The following UNC5A variants were observed in gnomAD, a reference collection of about 807,000 sequenced individuals.
UNC5A encodes unc-5 netrin receptor A.
In UNC5A, 20 loss-of-function variants were observed where a neutral mutation model predicts 87.4. The observed-to-expected ratio is 0.23, with a 90% CI of 0.16 to 0.33. UNC5A has a LOEUF of 0.33. UNC5A is among the 10% of genes least tolerant of loss of function. The pLI, the probability that UNC5A is intolerant of heterozygous loss-of-function variation, is 1.00. For missense variants in UNC5A, 844 were observed against 1,133.4 expected, an observed-to-expected ratio of 0.74 and a Z score of 3.67; for synonymous variants, 438 against 482.3, an observed-to-expected ratio of 0.91 and a Z score of 1.20.
In UNC5A at chr5:176,878,228, A is replaced by T. The variant is rs867831022; in HGVS notation, c.1870-16A>T. The T allele has an allele frequency of 2.2e-5, 36 of 1,608,982 alleles. No homozygotes were observed. The Middle Eastern group carries it at 8.2e-4, about 37-fold the overall frequency. ...CAGTGGGGAGGGGCCTGGGCTGACC[A>T]CCTGGGGCACTGCAGGAGGTGGTGC... On this transcript the variant is annotated splice_polypyrimidine_tract_variant and intron_variant, in intron 11 of 14. Coordinates refer to ENST00000329542, the MANE Select transcript of UNC5A (RefSeq NM_133369.3).
chr5:176,847,870 C>T (rs1757452213), intron 1 of UNC5A, among the ~76,000 whole-genome samples: 2 of 151,030 alleles, frequency 1.3e-5, no homozygotes, highest in African/African-American at 2.4e-5. Context: ...CCGCCAAAAC[C>T]AGAGAAATGG....
intron 1 of UNC5A, among the ~76,000 whole-genome samples, chr5:176,851,832 T>C (rs971019926): frequency 6.6e-6 from 1 of 152,302 alleles, no homozygotes; most frequent in African/African-American, 2.4e-5. Flanking sequence ...CTCGGCCTTA[T>C]GGTGCGTGTG....
chr5:176,835,274 G>T (rs796534322), intron 1 of UNC5A, among the ~76,000 whole-genome samples: 3 of 152,232 alleles, frequency 2.0e-5, no homozygotes, highest in Non-Finnish European at 4.4e-5. Flanking sequence ...CTTCCTGCAG[G>T]CTCGGAAAGC....
intron 1 of UNC5A, among the ~76,000 whole-genome samples, chr5:176,842,034 A>G (rs1024318887): frequency 6.6e-6 from 1 of 152,164 alleles, no homozygotes; most frequent in Admixed American, 6.5e-5. Context: ...CGTTTCTACT[A>G]AAAATACAAA....
chr5:176,860,267 A>G (rs759749493), intron 1 of UNC5A, among the ~76,000 whole-genome samples: 2 of 152,148 alleles, frequency 1.3e-5, no homozygotes, highest in Non-Finnish European at 2.9e-5. Context: ...TCTGGCATCC[A>G]TCTTGGCCTG....
Position 176,857,797 on chromosome 5 carries a change from C to T in UNC5A, c.71-4827C>T, listed in dbSNP as rs528043519. ...CTGTAGTTCCTGGTGACCAAGCGCC[C>T]GTCAGGAATCTGCTAGTCAGTGAAT... On this transcript the variant is annotated intron_variant, in intron 1 of 14. Coordinates refer to ENST00000329542, the MANE Select transcript of UNC5A (RefSeq NM_133369.3). Among the ~76,000 whole-genome samples, 90 of 152,278 alleles carry T rather than the reference C, an allele frequency of 5.9e-4. 1 individual carries two copies. The highest frequency in any genetic ancestry group is 2.1e-3 in the African/African-American group (86 of 41,550).
intron 1 of UNC5A, among the ~76,000 whole-genome samples, chr5:176,814,418 C>T (rs565771227): frequency 1.3e-5 from 2 of 152,314 alleles, no homozygotes; most frequent in African/African-American, 4.8e-5. Flanking sequence ...GACTGTAGCT[C>T]CTTTGCCTTG....
At chr5:176,829,297 GATGGGTGGATGGATGA>G (rs1370934841) in intron 1 of UNC5A, among the ~76,000 whole-genome samples, 1 of 39,662 alleles carries the variant, frequency 2.5e-5, no homozygotes, top group Non-Finnish European at 1.4e-4. Context: ...AAAGTGGGTG[GATGGGTGGATGGATGA>G]ATGGATGTAT....
chr5:176,880,156 CTGTG>C lies in UNC5A; in HGVS notation c.*278_*281del, dbSNP rs1341550289. 2.1e-5 allele frequency: 10 copies of C among 480,554 alleles called. No individual in the cohort carries two copies. The East Asian group carries it at 3.8e-4, about 18-fold the overall frequency. 29.8% of individuals were successfully genotyped at this position (480,554 alleles called of 1,614,324 possible). ...GGAGCCTGGGCCAGGCCCAGCCCAT[CTGTG>C]TGTGTGTATGTGCGTGTGATGCTAC... On this transcript the variant is annotated 3_prime_UTR_variant, in exon 15 of 15. Coordinates refer to ENST00000329542, the MANE Select transcript of UNC5A (RefSeq NM_133369.3).
chr5:176,841,600 A>G lies in UNC5A; in HGVS notation c.71-21024A>G, dbSNP rs1261144247. ...GAAATGAGAAGTTCTCTACAAATGT[A>G]CATAGCACAAACCACAAAGATAAAA... On this transcript the variant is annotated intron_variant, in intron 1 of 14. Coordinates refer to ENST00000329542, the MANE Select transcript of UNC5A (RefSeq NM_133369.3). This position sits in a 1 kb window ranked among gnomAD's most constrained non-coding sequence, Gnocchi z 4.1. 6.6e-6 allele frequency among the ~76,000 whole-genome samples: 1 copy of G among 152,244 alleles called. No individual in the cohort carries two copies. Among genetic ancestry groups the G allele is most frequent in the Non-Finnish European group, 1.5e-5 (1 of 68,040 alleles).
chr5:176,830,294 G>A (rs1581248507), intron 1 of UNC5A, among the ~76,000 whole-genome samples: 1 of 152,230 alleles, frequency 6.6e-6, no homozygotes, highest in Non-Finnish European at 1.5e-5. Context: ...AGCTCACAGT[G>A]CGCTAAAGCC....
intron 1 of UNC5A, among the ~76,000 whole-genome samples, chr5:176,819,559 G>A (rs114851941): frequency 1.3e-3 from 202 of 152,206 alleles, no homozygotes; most frequent in African/African-American, 4.6e-3. Context: ...TGGCTGCCAG[G>A]AGCTTCCGGG....
In UNC5A at chr5:176,868,834, T is replaced by C; in HGVS notation, c.591T>C (p.Asn197=). 2 of 1,612,288 alleles carry C rather than the reference T, an allele frequency of 1.2e-6. No homozygotes were observed. Among genetic ancestry groups the C allele is most frequent in the Non-Finnish European group, 1.7e-6 (2 of 1,179,398 alleles). ...EDLVDPSLDP[N]VYITREHSLV... is the part of the protein sequence containing the mutation. ...TGGTGGACCCGTCCCTGGACCCCAA[T>C]GTATACATCACGCGGGAGCACAGCC... Residue 197 remains asparagine, a synonymous_variant, in exon 5 of 15, where the codon AAT becomes AAC. Coordinates refer to ENST00000329542, the MANE Select transcript of UNC5A (RefSeq NM_133369.3).
In UNC5A at chr5:176,874,341, C is replaced by A; in HGVS notation, c.1153C>A (p.Gln385Lys). 1 of 1,613,388 alleles carries A rather than the reference C, an allele frequency of 6.2e-7. No individual in the cohort carries two copies. Among genetic ancestry groups the A allele is most frequent in the Non-Finnish European group, 8.5e-7 (1 of 1,179,736 alleles). Residue 385 changes from glutamine to lysine, a missense_variant, in exon 8 of 15, where the codon CAG (glutamine) becomes AAG (lysine). Around this residue, in one of 3 missense-constraint regions of UNC5A, gnomAD observed 353 missense variants for 387.5 expected, o/e 0.91. Coordinates refer to ENST00000329542, the MANE Select transcript of UNC5A (RefSeq NM_133369.3). The surrounding 1 kb of genome is among the most constrained non-coding windows in gnomAD (Gnocchi z 7.6). The stretch of plus-strand genomic sequence containing the variant: ...CTACCAGGGCAGTCTCTGTCCCCGG[C>A]AGGATGGGCCCAGCCCCAAGTTCCA... ...TTYQGSLCPR[Q>K]DGPSPKFQLT...
At chr5:176,831,080 A>AC (rs1757011064) in intron 1 of UNC5A, among the ~76,000 whole-genome samples, 1 of 148,302 alleles carries the variant, frequency 6.7e-6, no homozygotes. Context: ...CTGTTGCCCC[A>AC]CCCCCCACCT....
chr5:176,834,664 C>G (rs891181340), intron 1 of UNC5A, among the ~76,000 whole-genome samples: 2 of 41,950 alleles, frequency 4.8e-5, no homozygotes, highest in African/African-American at 7.1e-5. Context: ...CACGTCCCGT[C>G]TTCTCTCTCT....
intron 1 of UNC5A, among the ~76,000 whole-genome samples, chr5:176,857,681 G>A (rs1757701283): frequency 6.6e-6 from 1 of 152,196 alleles, no homozygotes; most frequent in South Asian, 2.1e-4. Flanking sequence ...CCTGAGAGAG[G>A]CAGGGCCAGC....
At chr5:176,816,246 C>T (rs368962595) in intron 1 of UNC5A, among the ~76,000 whole-genome samples, 8 of 152,254 alleles carry the variant, frequency 5.3e-5, no homozygotes, top group African/African-American at 1.9e-4. Context: ...CTGCCTGCAT[C>T]GCTGGAGAGC....
chr5:176,854,787 G>A (rs1310125537), intron 1 of UNC5A, among the ~76,000 whole-genome samples: 1 of 152,228 alleles, frequency 6.6e-6, no homozygotes, highest in African/African-American at 2.4e-5. Context: ...TGTGGGGATG[G>A]GTGGTCCCTG....
Sources: gnomAD v4.1 joint callset for allele counts (sites outside exome capture counted in the v4.1 genomes callset) on GRCh38, gnomAD v4.1.1 for gene constraint, gnomAD v4.1.1 regional missense constraint, Gnocchi (gnomAD v3.1) non-coding constraint, MANE v1.5 for transcripts, NCBI Gene and HGNC (gene_info 2026-07-23, HGNC 2026-07-21) for gene names.